The following SUPT3H variants were observed in gnomAD, a reference collection of about 807,000 sequenced individuals.
SUPT3H encodes the protein SPT3 homolog, SAGA and STAGA complex component.
In SUPT3H, 44 loss-of-function variants were observed where a neutral mutation model predicts 44.3. The observed-to-expected ratio is 0.99, with a 90% CI of 0.78 to 1.28. SUPT3H has a LOEUF of 1.28. Ranked by LOEUF, SUPT3H falls within the 50% of genes most tolerant of loss-of-function variation. The probability of loss-of-function intolerance (pLI) is 0.00; values close to 1 mark genes in which losing one functional copy is unlikely to be tolerated. For missense variants in SUPT3H, 380 were observed against 387.1 expected (o/e 0.98, Z 0.15); for synonymous variants, 124 against 125.6 (o/e 0.99, Z 0.09).
At chr6:45,074,584 A>G (rs1794772865) in intron 3 of SUPT3H, among the ~76,000 whole-genome samples, 1 of 152,070 alleles carries the variant, frequency 6.6e-6, no homozygotes, top group South Asian at 2.1e-4. Flanking sequence ...TAGACACAAA[A>G]GGGCACACTC....
intron 3 of SUPT3H, among the ~76,000 whole-genome samples, chr6:45,038,079 T>C (rs1043299916): frequency 3.9e-5 from 6 of 152,166 alleles, no homozygotes; most frequent in African/African-American, 1.4e-4. Flanking sequence ...TGGGAAGGAA[T>C]CCACAGTCTT....
At chr6:44,890,517 C>G (rs1468309642) in intron 10 of SUPT3H, among the ~76,000 whole-genome samples, 3 of 149,376 alleles carry the variant, frequency 2.0e-5, no homozygotes, top group Non-Finnish European at 3.0e-5. Context: ...GAACAAAAAA[C>G]CAGACACCGC....
intron 4 of SUPT3H, among the ~76,000 whole-genome samples, chr6:45,016,083 T>C (rs1784222638): frequency 6.6e-6 from 1 of 152,124 alleles, no homozygotes; most frequent in African/African-American, 2.4e-5. Flanking sequence ...TTATCAAGTA[T>C]TATGTACTAT....
intron 3 of SUPT3H, among the ~76,000 whole-genome samples, chr6:45,045,745 C>G (rs1445467471): frequency 3.3e-5 from 5 of 152,038 alleles, no homozygotes; most frequent in African/African-American, 1.2e-4. Flanking sequence ...AGTTTTTTTA[C>G]CTGTTTATCA....
chr6:45,070,296 T>C (rs907856772), intron 3 of SUPT3H, among the ~76,000 whole-genome samples: 6 of 152,170 alleles, frequency 3.9e-5, no homozygotes, highest in African/African-American at 7.2e-5. Flanking sequence ...ATGAGAATTA[T>C]ATAGAGTTTT....
chr6:45,096,725 T>G (rs1047817773), intron 3 of SUPT3H, among the ~76,000 whole-genome samples: 1 of 152,162 alleles, frequency 6.6e-6, no homozygotes, highest in African/African-American at 2.4e-5. Flanking sequence ...ATCTAAAAAA[T>G]GTCCATCATC....
At chr6:44,862,123 T>C (rs1324833147) in intron 10 of SUPT3H, among the ~76,000 whole-genome samples, 1 of 152,154 alleles carries the variant, frequency 6.6e-6, no homozygotes, top group African/African-American at 2.4e-5. Context: ...ACCATGTACT[T>C]CATGCTTTAA....
intron 10 of SUPT3H, among the ~76,000 whole-genome samples, chr6:44,884,730 G>A (rs1778848498): frequency 6.6e-6 from 1 of 152,124 alleles, no homozygotes; most frequent in Non-Finnish European, 1.5e-5. Context: ...GAGGTACCGG[G>A]TTCATCTCAC....
chr6:45,256,087 T>C (rs1239491428), intron 2 of SUPT3H, among the ~76,000 whole-genome samples: 1 of 152,048 alleles, frequency 6.6e-6, no homozygotes, highest in African/African-American at 2.4e-5. Context: ...AAGAGAATGG[T>C]GTGAACCCGG....
chr6:44,887,209 C>T (rs1272872499), intron 10 of SUPT3H, among the ~76,000 whole-genome samples: 34 of 152,204 alleles, frequency 2.2e-4, no homozygotes, highest in Admixed American at 5.9e-4. Flanking sequence ...GACACATCAA[C>T]GAGACAGAAA....
At chr6:44,867,154 C>T (rs1264378624) in intron 10 of SUPT3H, among the ~76,000 whole-genome samples, 2 of 143,504 alleles carry the variant, frequency 1.4e-5, no homozygotes, top group Non-Finnish European at 3.1e-5. Context: ...GGAAGATACA[C>T]TTTTTTTTTT....
intron 10 of SUPT3H, among the ~76,000 whole-genome samples, chr6:44,926,576 T>C (rs1479449555): frequency 1.3e-5 from 2 of 152,078 alleles, no homozygotes; most frequent in African/African-American, 4.8e-5. Flanking sequence ...TTCAAAGAAA[T>C]ACAAATTATT....
At chr6:45,000,756 C>T (rs1423204885) in intron 6 of SUPT3H, among the ~76,000 whole-genome samples, 1 of 151,944 alleles carries the variant, frequency 6.6e-6, no homozygotes, top group Non-Finnish European at 1.5e-5. Flanking sequence ...GATATGAAAA[C>T]ACAAGATAAA....
chr6:44,956,819 C>T (rs933490535), intron 7 of SUPT3H, among the ~76,000 whole-genome samples: 1 of 152,150 alleles, frequency 6.6e-6, no homozygotes, highest in African/African-American at 2.4e-5. Context: ...GGTATACTTC[C>T]CTACTCTAGC....
chr6:44,827,735 A>G lies in SUPT3H; in HGVS notation c.*2081T>C, dbSNP rs1767923960. On this transcript the variant is annotated 3_prime_UTR_variant, in exon 11 of 11. Coordinates refer to ENST00000371459, the MANE Select transcript of SUPT3H (RefSeq NM_003599.4). ...CCTAAGTATAAAAAATAGAAAAGGG[A>G]ATTAAAAATATTGAGCAATTATGGG... 6.6e-6 allele frequency among the ~76,000 whole-genome samples: 1 copy of G among 152,138 alleles called. No homozygotes were observed. The highest frequency in any genetic ancestry group is 2.4e-5 in the African/African-American group (1 of 41,440).
Position 45,347,053 on chromosome 6 carries a change from A to G in SUPT3H, c.101+18148T>C, listed in dbSNP as rs1383811337. On this transcript the variant is annotated intron_variant, in intron 2 of 10. Transcript: ENST00000371459. ...GCTGAAAAGAGAGGTGGTACTTTAT[A>G]TAATTAAAAATTGAACACATTTTAA... Among the ~76,000 whole-genome samples, 6 of 152,198 alleles carry G rather than the reference A, an allele frequency of 3.9e-5. No individual in the cohort carries two copies. In the East Asian group the frequency reaches 1.2e-3, roughly 29 times the overall value.
chr6:45,043,700 G>A (rs1025622638), intron 3 of SUPT3H, among the ~76,000 whole-genome samples: 15 of 151,928 alleles, frequency 9.9e-5, no homozygotes, highest in South Asian at 6.2e-4. Flanking sequence ...ACATATTAAA[G>A]GCTGAAAAAA....
intron 2 of SUPT3H, among the ~76,000 whole-genome samples, chr6:45,193,823 T>A (rs1457957547): frequency 6.6e-6 from 1 of 152,182 alleles, no homozygotes; most frequent in African/African-American, 2.4e-5. Flanking sequence ...ATCCCAAAGA[T>A]TGCAATACAG....
intron 2 of SUPT3H, among the ~76,000 whole-genome samples, chr6:45,295,524 CAAAAAAAAAAA>C (rs752887669): frequency 1.2e-4 from 5 of 40,086 alleles, no homozygotes; most frequent in South Asian, 1.6e-3. Context: ...TTTTGCACAG[CAAAAAAAAAAA>C]AAAAAAAAAA....
Sources: allele counts gnomAD v4.1 joint callset (sites outside exome capture counted in the v4.1 genomes callset), GRCh38; gene constraint gnomAD v4.1.1; transcripts MANE v1.5; gene names NCBI Gene and HGNC (gene_info 2026-07-23, HGNC 2026-07-21).